TRAF3IP2: variants seen among roughly 807,000 people sequenced by gnomAD.
TRAF3IP2 encodes the protein E3 ubiquitin ligase TRAF3IP2.
TRAF3IP2 carries 35 observed loss-of-function variants against 57.9 expected under a neutral mutation model. The ratio of observed to expected loss-of-function variants is 0.60; its 90% CI spans 0.46 to 0.80. TRAF3IP2 has a LOEUF of 0.80. Among genes scored for constraint, TRAF3IP2 ranks in the 30% least tolerant of loss-of-function variants. TRAF3IP2 has a pLI of 0.00. For synonymous variants in TRAF3IP2, 251 were observed against 268.9 expected (o/e 0.93, Z 0.65); for missense variants, 556 against 706.4 (o/e 0.79, Z 2.41).
chr6:111,573,020 A>G (rs752673334), intron 4 of TRAF3IP2, 37 bp from the exon 5 acceptor site: 4 of 1,450,262 alleles, frequency 2.8e-6, no homozygotes, highest in Admixed American at 1.7e-5. Flanking sequence ...GAAACTGATC[A>G]AATTATTCTA....
Position 111,591,933 on chromosome 6 carries a change from T to C in TRAF3IP2, c.154A>G (p.Met52Val), listed in dbSNP as rs779302845. 6.8e-6 allele frequency: 11 copies of C among 1,614,050 alleles called. No homozygotes were observed. The highest frequency in any genetic ancestry group is 5.3e-5 in the African/African-American group (4 of 74,930). The change falls in exon 2 of 9, where the codon ATG becomes GTG. Residue 52 changes from methionine to valine, a missense_variant. Physicochemically the swap from Met to Val is conservative, Grantham distance 21. This residue lies in a region of TRAF3IP2 where 428 missense variants were observed against 498.7 expected (regional missense o/e 0.86). Transcript: ENST00000368761. This position sits in a 1 kb window ranked among gnomAD's most constrained non-coding sequence, Gnocchi z 4.9. ...MAPNSLSAPT[M>V]LHNSSGDFSQ... ...AAGTCTCCGGAGGAATTGTGAAGCA[T>C]TGTGGGTGCAGACAAGCTGTTGGGT...
chr6:111,578,484 T>TA (rs1221290873), intron 3 of TRAF3IP2, among the ~76,000 whole-genome samples: 1 of 151,840 alleles, frequency 6.6e-6, no homozygotes, highest in East Asian at 1.9e-4. Context: ...CTGCAAAAAA[T>TA]AAAAAAATTA....
intron 2 of TRAF3IP2, among the ~76,000 whole-genome samples, chr6:111,584,399 A>G (rs186376605): frequency 1.6e-4 from 24 of 152,382 alleles, no homozygotes; most frequent in African/African-American, 5.8e-4. Context: ...CTGTCCTTTT[A>G]TTGTTGAAAA....
intron 3 of TRAF3IP2, 83 bp downstream of exon 3, chr6:111,580,114 G>C: frequency 2.0e-6 from 3 of 1,505,606 alleles, no homozygotes; most frequent in Non-Finnish European, 2.7e-6. Flanking sequence ...CAAACCTATA[G>C]AGAATTCTGT....
Position 111,557,910 on chromosome 6 carries a change from C to CT in TRAF3IP2, c.*1494dup, listed in dbSNP as rs144962646. Reference sequence around the variant, plus strand: ...TGGCAGGCGCCTATAGGTCTAGCTACTTGGGAGGTTGAGGCAGAAGAATCA... The same window carrying CT: ...TGGCAGGCGCCTATAGGTCTAGCTACTTTGGGAGGTTGAGGCAGAAGAATCA... On this transcript the variant is annotated 3_prime_UTR_variant, in exon 9 of 9. Transcript: ENST00000368761. 0.051 allele frequency: 7,729 copies of CT among 151,992 alleles called. 370 individuals carry two copies. Among genetic ancestry groups the CT allele is most frequent in the African/African-American group, 0.13 (5,224 of 41,426 alleles). The allele number at this position is 151,992 out of a possible 1,614,324, so 9.4% of individuals were successfully genotyped here. A position where few individuals can be genotyped will look rare whatever the true frequency, so the allele number is the denominator to read the frequency against.
intron 8 of TRAF3IP2, among the ~76,000 whole-genome samples, chr6:111,560,284 C>G (rs137947369): frequency 1.1e-3 from 166 of 152,268 alleles, no homozygotes; most frequent in African/African-American, 3.7e-3. Context: ...TGTCTGGGTC[C>G]AGGCAGATAG....
intron 2 of TRAF3IP2, among the ~76,000 whole-genome samples, chr6:111,584,503 G>T (rs1796270129): frequency 6.6e-6 from 1 of 152,090 alleles, no homozygotes; most frequent in African/African-American, 2.4e-5. Context: ...TTGACTGGTT[G>T]TATGGAAAAG....
chr6:111,563,096 GTAC>G (rs1795506097), intron 7 of TRAF3IP2, 57 bp from the exon 8 acceptor site: 2 of 1,321,540 alleles, frequency 1.5e-6, no homozygotes. Flanking sequence ...GGAGTTAATG[GTAC>G]CCATAATCAT....
chr6:111,565,244 C>T (rs997997028), intron 7 of TRAF3IP2: 4 of 152,208 alleles, frequency 2.6e-5, no homozygotes, highest in African/African-American at 9.7e-5. Context: ...GCTGCTGACC[C>T]ACAGGACAGA....
rs1437442953 is a variant in TRAF3IP2 at position 111,591,433 on chromosome 6, G to A, written c.654C>T (p.Leu218=). The A allele has an allele frequency of 6.3e-7, 1 of 1,576,942 alleles. No homozygotes were observed. The highest frequency in any genetic ancestry group is 8.6e-7 in the Non-Finnish European group (1 of 1,161,236). ...GGTCCTGGGGGTAACACACGGAGGTGAGGGGCAGGGGCCTTTCCAGCTGCC... is the reference window on the plus strand; with the variant it reads ...GGTCCTGGGGGTAACACACGGAGGTAAGGGGCAGGGGCCTTTCCAGCTGCC... ...GIRQLERPLP[L]TSVCYPQDLP... Residue 218 remains leucine (L), a synonymous_variant, in exon 2 of 9, where the codon CTC becomes CTT. Transcript: ENST00000368761. This position sits in a 1 kb window ranked among gnomAD's most constrained non-coding sequence, Gnocchi z 4.9.
At chr6:111,563,865 G>A (rs931451457) in intron 7 of TRAF3IP2, among the ~76,000 whole-genome samples, 1 of 152,132 alleles carries the variant, frequency 6.6e-6, no homozygotes, top group African/African-American at 2.4e-5. Flanking sequence ...CTGACACTGT[G>A]GTAGCCCAAG....
chr6:111,576,545 G>A (rs1253375634), intron 3 of TRAF3IP2: 1 of 152,294 alleles, frequency 6.6e-6, no homozygotes, highest in Non-Finnish European at 1.5e-5. Context: ...CACAAGCGTC[G>A]AGGGCAGGGC....
At chr6:111,601,083 G>C (rs1796845814) in intron 1 of TRAF3IP2, 1 of 602,300 alleles carries the variant, frequency 1.7e-6, no homozygotes, top group South Asian at 2.1e-5. Flanking sequence ...TTAACCGCTT[G>C]CATCTCGGTT....
chr6:111,574,131 C>T (rs1795909619), intron 4 of TRAF3IP2: 1 of 152,108 alleles, frequency 6.6e-6, no homozygotes, highest in African/African-American at 2.4e-5. Flanking sequence ...TCCAGAAATG[C>T]TCAAAATTAA....
intron 6 of TRAF3IP2, 140 bp from the exon 7 acceptor site, chr6:111,566,700 C>G (rs1416329055): frequency 3.8e-6 from 3 of 786,500 alleles, no homozygotes; most frequent in South Asian, 1.5e-5. Context: ...AGACTCTTAT[C>G]TCTGCTTCTC....
At chr6:111,572,437 A>G (rs1179262364) in intron 5 of TRAF3IP2, among the ~76,000 whole-genome samples, 2 of 152,236 alleles carry the variant, frequency 1.3e-5, no homozygotes, top group Non-Finnish European at 2.9e-5. Flanking sequence ...TTCAGGCTGC[A>G]GGATTCTACT....
At chr6:111,586,052 CA>C (rs938231929) in intron 2 of TRAF3IP2, among the ~76,000 whole-genome samples, 6 of 151,716 alleles carry the variant, frequency 4.0e-5, no homozygotes, top group East Asian at 3.9e-4. Flanking sequence ...TTCAAGTTGT[CA>C]AAAAAAATCG....
rs1459888784 is a variant in TRAF3IP2, at chr6:111,557,369, A to AGAT, written c.*2033_*2035dup. On this transcript the variant is annotated 3_prime_UTR_variant, in exon 9 of 9. Coordinates refer to ENST00000368761, the MANE Select transcript of TRAF3IP2 (RefSeq NM_147686.4). The stretch of plus-strand genomic sequence containing the variant: ...TCTTTTTCTGGAGACCAGGTAAACA[A>AGAT]GATATATAGATACAGATAGATATCC... The AGAT allele has an allele frequency of 1.3e-5, 2 of 151,930 alleles. No homozygotes were observed. Among genetic ancestry groups the AGAT allele is most frequent in the Admixed American group, 1.3e-4 (2 of 15,262 alleles). 9.4% of individuals were successfully genotyped at this position (151,930 alleles called of 1,614,324 possible). A position where few individuals can be genotyped will look rare whatever the true frequency, so the allele number is the denominator to read the frequency against.
intron 2 of TRAF3IP2, among the ~76,000 whole-genome samples, chr6:111,585,802 C>A (rs1016386292): frequency 1.3e-5 from 2 of 152,130 alleles, no homozygotes; most frequent in African/African-American, 4.8e-5. Flanking sequence ...GTGTTAATCA[C>A]AAAGCAAAAA....
Sources: gnomAD v4.1 joint callset for allele counts (sites outside exome capture counted in the v4.1 genomes callset) on GRCh38, gnomAD v4.1.1 for gene constraint, gnomAD v4.1.1 regional missense constraint, Gnocchi (gnomAD v3.1) non-coding constraint, MANE v1.5 for transcripts, NCBI Gene and HGNC (gene_info 2026-07-23, HGNC 2026-07-21) for gene names.